Variants in PATJ observed in about 807,000 individuals in gnomAD.
PATJ encodes inaD-like protein.
PATJ carries 190 observed loss-of-function variants against 224.9 expected under a neutral mutation model. The observed-to-expected ratio is 0.84, with a 90% confidence interval of 0.75 to 0.95. PATJ has a LOEUF of 0.95. PATJ is among the 40% of genes least tolerant of loss of function. The probability of loss-of-function intolerance (pLI) is 0.00; values close to 1 mark genes in which losing one functional copy is unlikely to be tolerated. For missense variants in PATJ, 2,121 were observed against 2,270.3 expected, an observed-to-expected ratio of 0.93 and a Z score of 1.34; for synonymous variants, 769 against 820.3, an observed-to-expected ratio of 0.94 and a Z score of 1.07.
At chr1:62,019,134 A>G (rs1050997055) in intron 29 of PATJ, among the ~76,000 whole-genome samples, 1 of 151,748 alleles carries the variant, frequency 6.6e-6, no homozygotes, top group African/African-American at 2.4e-5. Context: ...ACTCCCAGCT[A>G]CTCAGGAGGC....
chr1:61,910,410 A>G (rs912341373), intron 25 of PATJ, among the ~76,000 whole-genome samples: 8 of 152,172 alleles, frequency 5.3e-5, no homozygotes, highest in Admixed American at 5.2e-4. Context: ...GCCACATTGT[A>G]CATTCAGTTC....
intron 7 of PATJ, among the ~76,000 whole-genome samples, chr1:61,785,288 A>G (rs964649171): frequency 1.6e-4 from 25 of 152,212 alleles, no homozygotes; most frequent in Non-Finnish European, 2.8e-4. Context: ...TTTGAGAGTT[A>G]TAGGCAGTTT....
At chr1:61,903,407 C>T (rs1396899855) in intron 24 of PATJ, among the ~76,000 whole-genome samples, 1 of 152,204 alleles carries the variant, frequency 6.6e-6, no homozygotes, top group Non-Finnish European at 1.5e-5. Context: ...ATGGGCAAGA[C>T]TGTGGGAGGA....
At chr1:61,888,976 C>T (rs1186031903) in intron 22 of PATJ, among the ~76,000 whole-genome samples, 5 of 152,296 alleles carry the variant, frequency 3.3e-5, no homozygotes, top group African/African-American at 1.2e-4. Flanking sequence ...TAAATCCCAG[C>T]AGGTTCCAGA....
intron 27 of PATJ, among the ~76,000 whole-genome samples, chr1:61,945,622 T>G (rs1333520160): frequency 6.6e-6 from 1 of 151,984 alleles, no homozygotes; most frequent in African/African-American, 2.4e-5. Flanking sequence ...TCCCACACAA[T>G]AATAGTGGGA....
Position 62,005,116 on chromosome 1 carries a change from A to T in PATJ, c.3868-12740A>T, listed in dbSNP as rs145388167. 4.2e-3 allele frequency among the ~76,000 whole-genome samples: 631 copies of T among 151,768 alleles called. 14 individuals carry two copies. Among genetic ancestry groups the T allele is most frequent in the Admixed American group, 0.037 (560 of 15,232 alleles). On this transcript the variant is annotated intron_variant, in intron 28 of 43. Transcript: ENST00000642238. ...TTTTAAAGGAATAGCCATGAGAGGG[A>T]TGACTGGGTTTTTAAATTTTTTAGG...
At chr1:61,824,390 A>C (rs1035098740) in intron 15 of PATJ, among the ~76,000 whole-genome samples, 35 of 149,708 alleles carry the variant, frequency 2.3e-4, no homozygotes, top group Non-Finnish European at 3.1e-4. Flanking sequence ...TGGTGGCAAA[A>C]TATATATAAC....
intron 41 of PATJ, among the ~76,000 whole-genome samples, chr1:62,136,630 G>C (rs1012218455): frequency 6.9e-6 from 1 of 145,512 alleles, no homozygotes; most frequent in African/African-American, 2.6e-5. Context: ...TGTAAGTGCT[G>C]AGGATTTTTA....
intron 9 of PATJ, among the ~76,000 whole-genome samples, chr1:61,794,410 G>A (rs571976263): frequency 7.2e-5 from 11 of 152,186 alleles, no homozygotes; most frequent in African/African-American, 2.2e-4. Context: ...CTCCCAAAGC[G>A]CTGGGATTAC....
intron 1 of PATJ, among the ~76,000 whole-genome samples, chr1:61,762,470 T>C (rs568093883): frequency 8.0e-4 from 122 of 152,338 alleles, no homozygotes; most frequent in African/African-American, 2.7e-3. Flanking sequence ...TAAACTTTCA[T>C]GTGCAGGCGT....
At chr1:62,080,282 T>TG (rs1395877961) in intron 32 of PATJ, among the ~76,000 whole-genome samples, 2 of 152,140 alleles carry the variant, frequency 1.3e-5, no homozygotes, top group African/African-American at 4.8e-5. Flanking sequence ...TTATGCTGAC[T>TG]GGGGGTTGAA....
At position 62,148,286 on chromosome 1, in the gene PATJ, T is replaced by G; in HGVS notation, c.5274T>G (p.Val1758=). The change falls in exon 42 of 44, where the codon GTT becomes GTG. Residue 1758 remains valine (V), a splice_region_variant and synonymous_variant. Transcript: ENST00000642238. Reference sequence around the variant, plus strand: ...CCTTTTTTTCACTTTTTCCCCAGGTTGTAGCAGATACCAATATAAGCGCCA... The same window carrying G: ...CCTTTTTTTCACTTTTTCCCCAGGTGGTAGCAGATACCAATATAAGCGCCA... ...KNAYGRIILQ[V]VADTNISAIA... is the part of the protein sequence containing the mutation. 6.2e-7 allele frequency: 1 copy of G among 1,611,680 alleles called. No individual in the cohort carries two copies. The highest frequency in any genetic ancestry group is 8.5e-7 in the Non-Finnish European group (1 of 1,177,830).
At chr1:61,804,099 A>G (rs1653071262) in intron 12 of PATJ, among the ~76,000 whole-genome samples, 1 of 152,190 alleles carries the variant, frequency 6.6e-6, no homozygotes, top group South Asian at 2.1e-4. Flanking sequence ...AATTCAACAA[A>G]TAAATTGCCA....
chr1:61,926,959 C>T (rs559364316), intron 26 of PATJ, among the ~76,000 whole-genome samples: 61 of 152,218 alleles, frequency 4.0e-4, no homozygotes, highest in African/African-American at 1.4e-3. Flanking sequence ...TATATCGGCT[C>T]CTATTCTTTT....
chr1:62,001,349 C>T (rs1031183712), intron 28 of PATJ, among the ~76,000 whole-genome samples: 3 of 148,852 alleles, frequency 2.0e-5, no homozygotes, highest in Admixed American at 6.7e-5. Context: ...TTTAATCCAT[C>T]TTGAATTAAT....
At chr1:61,962,934 C>T (rs1315948226) in intron 27 of PATJ, among the ~76,000 whole-genome samples, 1 of 152,202 alleles carries the variant, frequency 6.6e-6, no homozygotes, top group East Asian at 1.9e-4. Context: ...CAACCTTCCT[C>T]CTTTTAAGGA....
intron 18 of PATJ, among the ~76,000 whole-genome samples, chr1:61,858,898 AG>A (rs1306470447): frequency 6.6e-6 from 1 of 152,230 alleles, no homozygotes; most frequent in African/African-American, 2.4e-5. Flanking sequence ...CACATAGCTA[AG>A]TAAGTTCTTG....
At chr1:61,849,091 T>C (rs1247654988) in intron 17 of PATJ, among the ~76,000 whole-genome samples, 1 of 152,256 alleles carries the variant, frequency 6.6e-6, no homozygotes, top group Non-Finnish European at 1.5e-5. Flanking sequence ...TAGTGACATG[T>C]GGTACAGCAT....
At chr1:62,003,206 A>G (rs1645894373) in intron 28 of PATJ, among the ~76,000 whole-genome samples, 1 of 152,244 alleles carries the variant, frequency 6.6e-6, no homozygotes, top group Admixed American at 6.5e-5. Context: ...CATTTGGTCA[A>G]GTGAAACAGC....
Sources: gnomAD v4.1 joint callset for allele counts (sites outside exome capture counted in the v4.1 genomes callset) on GRCh38, gnomAD v4.1.1 for gene constraint, MANE v1.5 for transcripts, NCBI Gene and HGNC (gene_info 2026-07-23, HGNC 2026-07-21) for gene names.